PCDHA8: variants seen among roughly 807,000 people sequenced by gnomAD.
PCDHA8 encodes protocadherin alpha 8.
PCDHA8 carries 53 observed loss-of-function variants against 61.8 expected under a neutral mutation model. That is an observed-to-expected ratio of 0.86 (90% CI 0.69 to 1.08). The LOEUF is 1.08. Among genes scored for constraint, PCDHA8 ranks in the 50% least tolerant of loss-of-function variants. The probability of loss-of-function intolerance (pLI) is 0.00; values close to 1 mark genes in which losing one functional copy is unlikely to be tolerated. For synonymous variants in PCDHA8, 618 were observed against 556.6 expected, an observed-to-expected ratio of 1.11 and a Z score of -1.55; for missense variants, 1,293 against 1,245.0, an observed-to-expected ratio of 1.04 and a Z score of -0.58.
chr5:140,924,712 T>C (rs1481544117), intron 1 of PCDHA8, among the ~76,000 whole-genome samples: 1 of 151,870 alleles, frequency 6.6e-6, no homozygotes, highest in African/African-American at 2.4e-5. Context: ...TTGTGCAACA[T>C]GGCGAAACCT....
At chr5:140,908,165 G>T (rs1422050863) in intron 1 of PCDHA8, among the ~76,000 whole-genome samples, 1 of 152,222 alleles carries the variant, frequency 6.6e-6, no homozygotes, top group African/African-American at 2.4e-5. Context: ...GGGCTGTAGT[G>T]CTGCAGCTGT....
chr5:140,843,377 G>C lies in PCDHA8; in HGVS notation c.2056G>C (p.Val686Leu), dbSNP rs375387773. The change falls in exon 1 of 4, where the codon GTT becomes CTT. Residue 686 changes from valine (V) to leucine (L), a missense_variant. Transcript: ENST00000531613. ...PKASSRQSAG[V>L]LGPEAALVDV... is the part of the protein sequence containing the mutation. ...AGCGTCATCGAGGCAGTCGGCTGGC[G>C]TTTTGGGTCCGGAAGCGGCGCTGGT... is the stretch of plus-strand genomic sequence containing the variant. 1.3e-6 allele frequency: 2 copies of C among 1,596,146 alleles called. No individual in the cohort carries two copies. Among genetic ancestry groups the C allele is most frequent in the Non-Finnish European group, 1.7e-6 (2 of 1,165,636 alleles).
chr5:140,896,721 T>C (rs774174943), intron 1 of PCDHA8, among the ~76,000 whole-genome samples: 1 of 152,176 alleles, frequency 6.6e-6, no homozygotes, highest in Non-Finnish European at 1.5e-5. Flanking sequence ...TGCTTGTTAA[T>C]TTGTTTAAGT....
intron 3 of PCDHA8, among the ~76,000 whole-genome samples, chr5:140,993,152 C>A (rs932484139): frequency 2.6e-4 from 39 of 152,142 alleles, no homozygotes; most frequent in African/African-American, 9.2e-4. Context: ...TAAATGGATT[C>A]TAAATATTTG....
At chr5:140,945,125 T>G (rs405192) in intron 1 of PCDHA8, among the ~76,000 whole-genome samples, 86,337 of 151,830 alleles carry the variant, frequency 0.57, 25,231 homozygotes, top group African/African-American at 0.71. Flanking sequence ...AAAAATCAAC[T>G]TACAAAAATC....
intron 1 of PCDHA8, chr5:140,862,735 G>T: frequency 1.7e-6 from 1 of 574,782 alleles, no homozygotes. Flanking sequence ...GTCTAGCTAT[G>T]TGTGGGTGCA....
intron 3 of PCDHA8, among the ~76,000 whole-genome samples, chr5:141,005,899 A>G (rs2098245270): frequency 6.6e-6 from 1 of 151,978 alleles, no homozygotes; most frequent in East Asian, 1.9e-4. Flanking sequence ...TCAAGCAATG[A>G]TTGCACCACT....
intron 1 of PCDHA8, among the ~76,000 whole-genome samples, chr5:140,954,686 G>T (rs962904413): frequency 6.6e-6 from 1 of 152,024 alleles, no homozygotes; most frequent in African/African-American, 2.4e-5. Context: ...TTGTCAGATG[G>T]ATAGACTACA....
rs576274101 is a variant in PCDHA8 at position 140,846,411 on chromosome 5, A to C, written c.2394+2696A>C. On this transcript the variant is annotated intron_variant, in intron 1 of 3. Transcript: ENST00000531613. ...TTTTTTTGAGACGGAGTCTCGCTCTATCTCCCAGGCTGGAATGCAGTGGCG... is the reference window on the plus strand; with the variant it reads ...TTTTTTTGAGACGGAGTCTCGCTCTCTCTCCCAGGCTGGAATGCAGTGGCG... Among the ~76,000 whole-genome samples the C allele has an allele frequency of 2.7e-5, 3 of 109,350 alleles. 1 individual carries two copies. The South Asian group carries it at 8.0e-4, about 29-fold the overall frequency. The allele number at this position is 109,350 out of a possible 152,430, so 71.7% of individuals were successfully genotyped here.
chr5:140,898,079 C>G (rs1179252797), intron 1 of PCDHA8, among the ~76,000 whole-genome samples: 2 of 151,984 alleles, frequency 1.3e-5, no homozygotes, highest in East Asian at 1.9e-4. Context: ...ATTGTAGATT[C>G]TGGATATTAG....
chr5:140,923,280 A>C (rs2081292990), intron 1 of PCDHA8, among the ~76,000 whole-genome samples: 1 of 152,220 alleles, frequency 6.6e-6, no homozygotes, highest in South Asian at 2.1e-4. Context: ...CTCTACAAAA[A>C]ATTAAAAATT....
At chr5:140,941,698 T>C (rs2093148440) in intron 1 of PCDHA8, among the ~76,000 whole-genome samples, 1 of 152,186 alleles carries the variant, frequency 6.6e-6, no homozygotes, top group African/African-American at 2.4e-5. Flanking sequence ...TCTTTGGGCT[T>C]AGCTTTCCTC....
intron 1 of PCDHA8, among the ~76,000 whole-genome samples, chr5:140,903,300 T>C (rs1368072567): frequency 6.6e-6 from 1 of 152,184 alleles, no homozygotes; most frequent in Non-Finnish European, 1.5e-5. Context: ...GGAAATTTAG[T>C]ATACAATAAA....
chr5:140,848,422 G>A lies in PCDHA8; in HGVS notation c.2394+4707G>A, dbSNP rs143939535. 1,502 of 1,425,074 alleles carry A rather than the reference G, an allele frequency of 1.1e-3. 85 individuals are homozygous for A. The African/African-American group carries it at 0.018, about 17-fold the overall frequency. 88.3% of individuals were successfully genotyped at this position (1,425,074 alleles called of 1,614,324 possible). ...AACGATGGCGAACACAGCAGAATGG[G>A]ACTGACGAAATCAGATGATTTCTTC... On this transcript the variant is annotated intron_variant, in intron 1 of 3. Transcript: ENST00000531613.
chr5:140,939,812 A>T (rs1277082652), intron 1 of PCDHA8, among the ~76,000 whole-genome samples: 4 of 152,196 alleles, frequency 2.6e-5, no homozygotes, highest in Non-Finnish European at 2.9e-5. Flanking sequence ...ATGTTCAAGA[A>T]AAAGCAGTAT....
At position 140,841,430 on chromosome 5, in the gene PCDHA8, G is replaced by A; in HGVS notation, c.109G>A (p.Glu37Lys). The A allele has an allele frequency of 6.2e-7, 1 of 1,612,964 alleles. No individual in the cohort carries two copies. The highest frequency in any genetic ancestry group is 8.5e-7 in the Non-Finnish European group (1 of 1,179,874). Residue 37 changes from glutamate (E) to lysine (K), a missense_variant, in exon 1 of 4, where the codon GAG (glutamate) becomes AAG (lysine). Physicochemically the swap from Glu to Lys is moderately conservative, Grantham distance 56. Transcript: ENST00000531613. Reference sequence around the variant, plus strand: ...CGGCCAGCTCCACTACTCCGTCCCCGAGGAGGCCAAACACGGCACCTTCGT... The same window carrying A: ...CGGCCAGCTCCACTACTCCGTCCCCAAGGAGGCCAAACACGGCACCTTCGT... ...GSGQLHYSVP[E>K]EAKHGTFVGR...
intron 1 of PCDHA8, among the ~76,000 whole-genome samples, chr5:140,881,799 C>A (rs368456285): frequency 3.3e-5 from 5 of 152,282 alleles, no homozygotes; most frequent in Admixed American, 2.0e-4. Flanking sequence ...TGTCCCAAAA[C>A]GAGTGTCGAA....
rs1033698977 is a variant in PCDHA8 at position 140,868,958 on chromosome 5, T to A, written c.2394+25243T>A. ...TGGTCTGAACAGTGAGGCACTCCCA[T>A]ACAAAGGAACTCCATCATACCGGAT... On this transcript the variant is annotated intron_variant, in intron 1 of 3. Coordinates refer to ENST00000531613, the MANE Select transcript of PCDHA8 (RefSeq NM_018911.3). The A allele has an allele frequency of 4.3e-6, 6 of 1,397,388 alleles. No individual in the cohort carries two copies. The African/African-American group carries it at 8.6e-5, about 20-fold the overall frequency. The allele number at this position is 1,397,388 out of a possible 1,614,324, so 86.6% of individuals were successfully genotyped here.
In PCDHA8 at chr5:140,842,325, C is replaced by G. The variant is rs2150334161; in HGVS notation, c.1004C>G (p.Thr335Ser). Residue 335 changes from threonine to serine, a missense_variant, in exon 1 of 4, where the codon ACC becomes AGC. Coordinates refer to ENST00000531613, the MANE Select transcript of PCDHA8 (RefSeq NM_018911.3). ...KGHPPMAGHC[T>S]VLVRILDKND... ...CATCCTCCCATGGCGGGTCATTGCA[C>G]CGTTTTAGTGAGAATTTTGGATAAA... 1.9e-5 allele frequency: 31 copies of G among 1,606,978 alleles called. No individual in the cohort carries two copies. In the South Asian group the frequency reaches 3.1e-4, roughly 16 times the overall value.
Sources: allele counts gnomAD v4.1 joint callset (sites outside exome capture counted in the v4.1 genomes callset), GRCh38; gene constraint gnomAD v4.1.1; transcripts MANE v1.5; gene names NCBI Gene and HGNC (gene_info 2026-07-23, HGNC 2026-07-21).